Variants in CUL5 observed in about 807,000 individuals in gnomAD.
The protein encoded by CUL5 is cullin 5, also known as cullin-5.
Under a neutral mutation model 108.8 loss-of-function variants are expected in CUL5, and 26 were observed. That is an observed-to-expected ratio of 0.24 (90% CI 0.18 to 0.33). The LOEUF (loss-of-function observed/expected upper bound fraction) is 0.33, where lower values mean the gene tolerates loss of function less well. Ranked by LOEUF, CUL5 falls within the 10% of genes least tolerant of loss-of-function variation. The pLI is 1.00. For missense variants in CUL5, 524 were observed against 909.2 expected, an observed-to-expected ratio of 0.58 and a Z score of 5.45; for synonymous variants, 334 against 298.0, an observed-to-expected ratio of 1.12 and a Z score of -1.25.
intron 4 of CUL5, among the ~76,000 whole-genome samples, chr11:108,050,749 G>A (rs1209155781): frequency 1.3e-5 from 2 of 152,150 alleles, no homozygotes; most frequent in African/African-American, 4.8e-5. Flanking sequence ...ATATCTTTAT[G>A]TTTAATTGTG....
chr11:108,033,848 C>T lies in CUL5; in HGVS notation c.71C>T (p.Pro24Leu), dbSNP rs1285019617. 1.1e-5 allele frequency: 17 copies of T among 1,612,202 alleles called. No individual in the cohort carries two copies. Among genetic ancestry groups the T allele is most frequent in the Non-Finnish European group, 1.4e-5 (16 of 1,179,184 alleles). ...QFEDKWDFMR[P>L]IVLKLLRQES... ...GAAGACAAATGGGATTTTATGCGCC[C>T]GATTGTTTTGAAGCTTTTACGCCAG... is the stretch of plus-strand genomic sequence containing the variant. Residue 24 changes from proline (P) to leucine (L), a missense_variant, in exon 2 of 19, where the codon CCG (proline) becomes CTG (leucine). Pro to Leu is a moderately conservative substitution (Grantham distance 98). This residue lies in a region of CUL5 where 76 missense variants were observed against 90.8 expected (regional missense o/e 0.84). Coordinates refer to ENST00000393094, the MANE Select transcript of CUL5 (RefSeq NM_003478.6).
At chr11:108,037,610 C>T (rs1862780242) in intron 2 of CUL5, among the ~76,000 whole-genome samples, 1 of 152,168 alleles carries the variant, frequency 6.6e-6, no homozygotes, top group Non-Finnish European at 1.5e-5. Flanking sequence ...CTTAATCCTC[C>T]AGCAACTGAC....
intron 1 of CUL5, among the ~76,000 whole-genome samples, chr11:108,023,616 G>A (rs1170922077): frequency 2.0e-5 from 3 of 152,188 alleles, no homozygotes; most frequent in Non-Finnish European, 2.9e-5. Flanking sequence ...CACTATACTA[G>A]AATGTGAATT....
chr11:108,064,727 C>T (rs1043048796), intron 7 of CUL5, among the ~76,000 whole-genome samples: 1 of 151,896 alleles, frequency 6.6e-6, no homozygotes, highest in Non-Finnish European at 1.5e-5. Context: ...AAAAACAAAA[C>T]AAAACAAAAA....
intron 7 of CUL5, among the ~76,000 whole-genome samples, chr11:108,064,518 G>A (rs1229809655): frequency 1.3e-5 from 2 of 152,076 alleles, no homozygotes; most frequent in African/African-American, 2.4e-5. Context: ...GACCAGCCTG[G>A]CCAACATGGT....
chr11:108,018,312 C>A (rs1862250771), intron 1 of CUL5, among the ~76,000 whole-genome samples: 1 of 152,156 alleles, frequency 6.6e-6, no homozygotes, highest in South Asian at 2.1e-4. Flanking sequence ...CAAATATATA[C>A]AATCAGCCCT....
chr11:108,028,014 C>G (rs1159105719), intron 1 of CUL5, among the ~76,000 whole-genome samples: 1 of 152,190 alleles, frequency 6.6e-6, no homozygotes, highest in Non-Finnish European at 1.5e-5. Context: ...TCTAAAACCT[C>G]AGGCTTGGGT....
intron 1 of CUL5, among the ~76,000 whole-genome samples, chr11:108,017,475 T>A (rs1413230857): frequency 6.6e-6 from 1 of 151,182 alleles, no homozygotes; most frequent in East Asian, 1.9e-4. Flanking sequence ...TCCTGATGGA[T>A]GAATACTGAC....
chr11:108,020,530 TTGTGA>T (rs2135052068), intron 1 of CUL5, among the ~76,000 whole-genome samples: 1 of 114,540 alleles, frequency 8.7e-6, no homozygotes, highest in East Asian at 3.7e-4. Flanking sequence ...CTGAATGTGT[TTGTGA>T]TTTTTTTTTT....
At chr11:108,096,538 C>A (rs1715209895) in intron 16 of CUL5, among the ~76,000 whole-genome samples, 2 of 147,330 alleles carry the variant, frequency 1.4e-5, no homozygotes, top group Admixed American at 1.4e-4. Flanking sequence ...TAAGTGTTAC[C>A]TGTGAGGAAT....
At chr11:108,104,062 A>G (rs1470753053) in intron 18 of CUL5, 128 bp from the exon 19 acceptor site, 3 of 592,998 alleles carry the variant, frequency 5.1e-6, no homozygotes, top group Non-Finnish European at 5.9e-6. Context: ...TTAATCCCCT[A>G]GTGATTATTA....
chr11:108,090,433 G>A (rs903730104), intron 13 of CUL5, among the ~76,000 whole-genome samples: 1 of 152,268 alleles, frequency 6.6e-6, no homozygotes, highest in South Asian at 2.1e-4. Context: ...GGAGCTTGCA[G>A]TGAGCTGAAA....
intron 1 of CUL5, among the ~76,000 whole-genome samples, chr11:108,011,694 C>G (rs908509127): frequency 6.6e-6 from 1 of 151,600 alleles, no homozygotes; most frequent in Non-Finnish European, 1.5e-5. Flanking sequence ...GTGGTGCGAT[C>G]TTGGTTCACT....
intron 7 of CUL5, among the ~76,000 whole-genome samples, chr11:108,062,829 CTGTTTTTGTTTT>C (rs912084263): frequency 6.6e-6 from 1 of 151,888 alleles, no homozygotes; most frequent in Non-Finnish European, 1.5e-5. Context: ...TTTATTCATT[CTGTTTTTGTTTT>C]TGTTTTTGTT....
At chr11:108,080,792 C>G (rs888243337) in intron 11 of CUL5, among the ~76,000 whole-genome samples, 1 of 152,086 alleles carries the variant, frequency 6.6e-6, no homozygotes, top group Non-Finnish European at 1.5e-5. Flanking sequence ...AGATGATGTG[C>G]TAATATTTTC....
intron 1 of CUL5, among the ~76,000 whole-genome samples, chr11:108,015,753 T>A (rs1862170823): frequency 6.6e-6 from 1 of 152,234 alleles, no homozygotes; most frequent in South Asian, 2.1e-4. Context: ...ATTGAACAAT[T>A]ACCATAATCT....
intron 1 of CUL5, among the ~76,000 whole-genome samples, chr11:108,026,781 G>C (rs932067332): frequency 2.6e-5 from 4 of 152,022 alleles, no homozygotes; most frequent in African/African-American, 9.7e-5. Context: ...ACGAGGTCAG[G>C]AGTTCGAGAC....
chr11:108,070,046 T>G, intron 7 of CUL5, 50 bp from the exon 8 acceptor site: 1 of 1,135,224 alleles, frequency 8.8e-7, no homozygotes, highest in Non-Finnish European at 1.3e-6. Flanking sequence ...TAGAATAGAT[T>G]TGTGCTATAC....
At chr11:108,086,207 C>T (rs1023354405) in intron 11 of CUL5, among the ~76,000 whole-genome samples, 7 of 152,078 alleles carry the variant, frequency 4.6e-5, no homozygotes, top group Non-Finnish European at 8.8e-5. Flanking sequence ...CAAATTAAAC[C>T]ATTCCTAGGT....
Sources: gnomAD v4.1 joint callset for allele counts (sites outside exome capture counted in the v4.1 genomes callset) on GRCh38, gnomAD v4.1.1 for gene constraint, gnomAD v4.1.1 regional missense constraint, MANE v1.5 for transcripts, NCBI Gene and HGNC (gene_info 2026-07-23, HGNC 2026-07-21) for gene names.